STAT4: variants seen among roughly 807,000 people sequenced by gnomAD.
STAT4 encodes the protein signal transducer and activator of transcription 4.
In STAT4, 42 loss-of-function variants were observed where a neutral mutation model predicts 110.5. That is an observed-to-expected ratio of 0.38 (90% confidence interval 0.30 to 0.49). STAT4 has a LOEUF of 0.49. Among genes scored for constraint, STAT4 ranks in the 20% least tolerant of loss-of-function variants. The probability of loss-of-function intolerance (pLI) is 0.95; values close to 1 mark genes in which losing one functional copy is unlikely to be tolerated. For missense variants in STAT4, 632 were observed against 887.9 expected, an observed-to-expected ratio of 0.71 and a Z score of 3.66; for synonymous variants, 284 against 302.2, an observed-to-expected ratio of 0.94 and a Z score of 0.63.
At chr2:191,151,074 A>C (rs1427753173), upstream of STAT4, 1 of 985,306 alleles carries the variant, frequency 1.0e-6, no homozygotes. The surrounding 1 kb of genome is among the most constrained non-coding windows in gnomAD (Gnocchi z 4.7). Context: ...CTCCCACTTG[A>C]GGCTTTCCTG....
chr2:191,054,760 A>C (rs1696629664), intron 13 of STAT4, among the ~76,000 whole-genome samples: 1 of 152,212 alleles, frequency 6.6e-6, no homozygotes, highest in Admixed American at 6.5e-5. Context: ...TTGGCATATC[A>C]CTAAGACTTT....
At position 191,148,213 on chromosome 2, in the gene STAT4, G is replaced by T. The variant is rs1699505048; in HGVS notation, c.-1-9C>A. 1.9e-6 allele frequency: 3 copies of T among 1,612,426 alleles called. No individual in the cohort carries two copies. The highest frequency in any genetic ancestry group is 2.5e-6 in the Non-Finnish European group (3 of 1,179,376). On this transcript the variant is annotated splice_polypyrimidine_tract_variant and intron_variant, in intron 1 of 23. Transcript: ENST00000392320. ...GATTCCACTGAGACATGCTATAAAA[G>T]AAGGTGTAGAATTAGAGTTTTAAAA...
chr2:191,033,489 C>T lies in STAT4; in HGVS notation c.1852+1G>A. On this transcript the variant is annotated splice_donor_variant, in intron 20 of 23. Transcript: ENST00000392320. LOFTEE classifies it high-confidence loss of function. This position sits in a 1 kb window ranked among gnomAD's most constrained non-coding sequence, Gnocchi z 6.9. ...ATGAATAAACATTAGTGAGTATATA[C>T]CACTTTCAGAATGGTCCACCCAGGT... is the stretch of plus-strand genomic sequence containing the variant. The T allele has an allele frequency of 6.2e-7, 1 of 1,608,818 alleles. No individual in the cohort carries two copies. The highest frequency in any genetic ancestry group is 8.5e-7 in the Non-Finnish European group (1 of 1,178,572).
intron 3 of STAT4, among the ~76,000 whole-genome samples, chr2:191,100,996 T>C (rs560213564): frequency 5.9e-5 from 9 of 152,150 alleles, no homozygotes; most frequent in African/African-American, 2.2e-4. Context: ...GACATTTTTT[T>C]TTAAGCCACT....
rs1175185640 is a variant in STAT4 at position 191,135,051 on chromosome 2, TTAA to T, written c.273+11559_273+11561del. Among the ~76,000 whole-genome samples, 2 of 149,738 alleles carry T rather than the reference TTAA, an allele frequency of 1.3e-5. No homozygotes were observed. Among genetic ancestry groups the T allele is most frequent in the Non-Finnish European group, 3.0e-5 (2 of 67,214 alleles). ...AACCGAAATTAGTGGAAGGAAAGAA[TTAA>T]TAAAGATCAGAGCAGAATAAAATGG... On this transcript the variant is annotated intron_variant, in intron 3 of 23. Transcript: ENST00000392320. The surrounding 1 kb of genome is among the most constrained non-coding windows in gnomAD (Gnocchi z 4.8).
At chr2:191,054,761 C>T (rs1696629809) in intron 13 of STAT4, among the ~76,000 whole-genome samples, 1 of 152,146 alleles carries the variant, frequency 6.6e-6, no homozygotes, top group African/African-American at 2.4e-5. Flanking sequence ...TGGCATATCA[C>T]TAAGACTTTA....
intron 3 of STAT4, among the ~76,000 whole-genome samples, chr2:191,124,642 T>C (rs769326909): frequency 5.9e-5 from 9 of 151,932 alleles, no homozygotes; most frequent in South Asian, 2.1e-4. Context: ...TCACGTAGAG[T>C]TTATCAAACT....
At chr2:191,136,005 G>GAAAAAAAAAAAAAAAAAAAAA (rs745380203) in intron 3 of STAT4, among the ~76,000 whole-genome samples, 1 of 79,782 alleles carries the variant, frequency 1.3e-5, no homozygotes, top group African/African-American at 5.2e-5. Flanking sequence ...CAGCATCTCA[G>GAAAAAAAAAAAAAAAAAAAAA]AAAAAAAAAA....
In STAT4 at chr2:191,099,872, G is replaced by T. The variant is rs1384659599; in HGVS notation, c.274-23547C>A. Among the ~76,000 whole-genome samples, 1 of 152,110 alleles carries T rather than the reference G, an allele frequency of 6.6e-6. No homozygotes were observed. Among genetic ancestry groups the T allele is most frequent in the East Asian group, 1.9e-4 (1 of 5,188 alleles). ...TATGGAAAATTACATGAGTGTGTAT[G>T]CAGTAAAAGTATGAAAAGTTGGTGA... is the stretch of plus-strand genomic sequence containing the variant. On this transcript the variant is annotated intron_variant, in intron 3 of 23. Coordinates refer to ENST00000392320, the MANE Select transcript of STAT4 (RefSeq NM_003151.4). This position sits in a 1 kb window ranked among gnomAD's most constrained non-coding sequence, Gnocchi z 4.1.
At position 191,128,408 on chromosome 2, in the gene STAT4, G is replaced by C. The variant is rs576778230; in HGVS notation, c.273+18205C>G. On this transcript the variant is annotated intron_variant, in intron 3 of 23. Coordinates refer to ENST00000392320, the MANE Select transcript of STAT4 (RefSeq NM_003151.4). ...TGAGAAAGCAACATGAGTTAGAAGA[G>C]AGGATCTGACAGACTCAGAGCAGCT... 3.4e-4 allele frequency among the ~76,000 whole-genome samples: 52 copies of C among 152,308 alleles called. 2 individuals are homozygous for C. The South Asian group carries it at 0.011, about 31-fold the overall frequency.
At chr2:191,137,008 A>G (rs1484215255) in intron 3 of STAT4, among the ~76,000 whole-genome samples, 1 of 137,012 alleles carries the variant, frequency 7.3e-6, no homozygotes, top group African/African-American at 2.6e-5. Context: ...GAAGAAAGTG[A>G]AAGATCTCTA....
chr2:191,066,448 G>C lies in STAT4; in HGVS notation c.612C>G (p.Ser204Arg). ...CACTAACCTTTCTCTTGAAATCGAG[G>C]CTGTTAAGCATTTCCTGCAGTGTCA... ...EVLTLQEMLN[S>R]LDFKRKEALS... Residue 204 changes from serine (S) to arginine (R), a missense_variant, in exon 7 of 24, where the codon AGC (serine) becomes AGG (arginine). This residue lies in a region of STAT4 where 488 missense variants were observed against 632.8 expected (regional missense o/e 0.77). Coordinates refer to ENST00000392320, the MANE Select transcript of STAT4 (RefSeq NM_003151.4). This position sits in a 1 kb window ranked among gnomAD's most constrained non-coding sequence, Gnocchi z 4.3. The C allele has an allele frequency of 6.2e-7, 1 of 1,613,288 alleles. No homozygotes were observed. The highest frequency in any genetic ancestry group is 1.1e-5 in the South Asian group (1 of 91,074).
Position 191,053,805 on chromosome 2 carries a change from T to C in STAT4, c.1251+685A>G, listed in dbSNP as rs1696596916. The stretch of plus-strand genomic sequence containing the variant: ...AATGTAATGCAAGCAATGTAAATCA[T>C]GTTCTCCAAGAGTATTTAAAATTAT... On this transcript the variant is annotated intron_variant, in intron 14 of 23. Transcript: ENST00000392320. This position sits in a 1 kb window ranked among gnomAD's most constrained non-coding sequence, Gnocchi z 4.5. Among the ~76,000 whole-genome samples the C allele has an allele frequency of 6.6e-6, 1 of 152,206 alleles. No individual in the cohort carries two copies. The highest frequency in any genetic ancestry group is 2.1e-4 in the South Asian group (1 of 4,832).
At chr2:191,041,010 T>C in intron 15 of STAT4, 55 bp downstream of exon 15, 1 of 1,199,218 alleles carries the variant, frequency 8.3e-7, no homozygotes, top group Non-Finnish European at 1.1e-6. Context: ...CTATTAATGC[T>C]GACCAATTCT....
intron 4 of STAT4, among the ~76,000 whole-genome samples, chr2:191,075,867 A>G (rs1286208619): frequency 3.0e-5 from 2 of 66,234 alleles, no homozygotes; most frequent in East Asian, 3.5e-4. Context: ...GTTTTGTTTT[A>G]AAGACACAGA....
Position 191,071,801 on chromosome 2 carries a change from T to C in STAT4, c.465+1297A>G, listed in dbSNP as rs866629992. On this transcript the variant is annotated intron_variant, in intron 5 of 23. Transcript: ENST00000392320. ...ATCAGGCCCTGGGACAGGGATCAGC[T>C]ACAAGGGATTTGTTGAAGGAGTCCT... 7.2e-5 allele frequency among the ~76,000 whole-genome samples: 11 copies of C among 152,330 alleles called. No individual in the cohort carries two copies. In the South Asian group the frequency reaches 1.9e-3, roughly 26 times the overall value.
chr2:191,118,163 T>A (rs1698620982), intron 3 of STAT4, among the ~76,000 whole-genome samples: 1 of 152,244 alleles, frequency 6.6e-6, no homozygotes, highest in Non-Finnish European at 1.5e-5. Context: ...TGGCAATTCT[T>A]ATAAAAAGCC....
At chr2:191,049,167 C>CTTTTT (rs11410725) in intron 14 of STAT4, among the ~76,000 whole-genome samples, 24 of 104,148 alleles carry the variant, frequency 2.3e-4, no homozygotes, top group Non-Finnish European at 2.9e-4. Context: ...ATGGTAATAG[C>CTTTTT]TTTTTTTTTT....
At position 191,092,753 on chromosome 2, in the gene STAT4, C is replaced by T. The variant is rs577332203; in HGVS notation, c.274-16428G>A. Among the ~76,000 whole-genome samples, 11 of 152,276 alleles carry T rather than the reference C, an allele frequency of 7.2e-5. No homozygotes were observed. The South Asian group carries it at 2.3e-3, about 32-fold the overall frequency. ...AAAGCAGGGCAGGGCATTGCCTCAC[C>T]CAGGAAGTGCGAAGGGTCGGGGGAT... On this transcript the variant is annotated intron_variant, in intron 3 of 23. Transcript: ENST00000392320.
Sources: gnomAD v4.1 joint callset for allele counts (sites outside exome capture counted in the v4.1 genomes callset) on GRCh38, gnomAD v4.1.1 for gene constraint, gnomAD v4.1.1 regional missense constraint, Gnocchi (gnomAD v3.1) non-coding constraint, MANE v1.5 for transcripts, NCBI Gene and HGNC (gene_info 2026-07-23, HGNC 2026-07-21) for gene names.